PCDH9: variants seen among roughly 807,000 people sequenced by gnomAD.
PCDH9 encodes protocadherin 9.
A neutral mutation model predicts 70.6 loss-of-function variants in PCDH9; 24 were observed. That is an observed-to-expected ratio of 0.34 (90% CI 0.25 to 0.48). The LOEUF is 0.48. Among genes scored for constraint, PCDH9 ranks in the 20% least tolerant of loss-of-function variants. The pLI is 0.99. For synonymous variants in PCDH9, 562 were observed against 558.5 expected (o/e 1.01, Z -0.09); for missense variants, 1,281 against 1,503.6 (o/e 0.85, Z 2.45).
At chr13:67,179,925 T>C (rs2138478224) in intron 2 of PCDH9, among the ~76,000 whole-genome samples, 1 of 152,218 alleles carries the variant, frequency 6.6e-6, no homozygotes, top group East Asian at 1.9e-4. Flanking sequence ...GACTCAAAAC[T>C]ATAGTTGGCT....
rs748701009 is a variant in PCDH9 at position 66,478,472 on chromosome 13, T to A, written c.3340+152738A>T. Among the ~76,000 whole-genome samples, 5 of 152,228 alleles carry A rather than the reference T, an allele frequency of 3.3e-5. No homozygotes were observed. In the South Asian group the frequency reaches 6.2e-4, roughly 19 times the overall value. On this transcript the variant is annotated intron_variant, in intron 4 of 4. Transcript: ENST00000377865. ...TGAGGCAGGTAAAAAGCTAGGCCTC[T>A]TGTGCCAAACAATTAGCAAGTTATG...
chr13:66,685,782 C>A (rs2078392867), intron 3 of PCDH9, among the ~76,000 whole-genome samples: 1 of 152,220 alleles, frequency 6.6e-6, no homozygotes, highest in African/African-American at 2.4e-5. Context: ...CTAAGGAGAT[C>A]ATTTTGGAAC....
At chr13:67,170,561 A>T (rs2088253064) in intron 2 of PCDH9, among the ~76,000 whole-genome samples, 1 of 152,224 alleles carries the variant, frequency 6.6e-6, no homozygotes, top group Non-Finnish European at 1.5e-5. Context: ...AACTTTTGCC[A>T]TATATCATTA....
chr13:66,943,291 G>T (rs897279364), intron 2 of PCDH9, among the ~76,000 whole-genome samples: 1 of 151,328 alleles, frequency 6.6e-6, no homozygotes. Context: ...TTTCCCTACT[G>T]TGCCTTCATG....
intron 3 of PCDH9, among the ~76,000 whole-genome samples, chr13:66,764,996 ATCTGTCTCTCTC>A (rs776556054): frequency 4.1e-4 from 62 of 151,390 alleles, no homozygotes; most frequent in East Asian, 2.2e-3. Flanking sequence ...CTCTTTGTCC[ATCTGTCTCTCTC>A]TCTGTCTCTT....
chr13:67,036,273 C>T (rs1407377994), intron 2 of PCDH9, among the ~76,000 whole-genome samples: 1 of 152,166 alleles, frequency 6.6e-6, no homozygotes, highest in Non-Finnish European at 1.5e-5. Context: ...TTTGTCCCCA[C>T]TGTTTCATAT....
At chr13:66,379,390 C>T (rs544599461) in intron 4 of PCDH9, among the ~76,000 whole-genome samples, 1 of 152,112 alleles carries the variant, frequency 6.6e-6, no homozygotes, top group Non-Finnish European at 1.5e-5. Flanking sequence ...GGACCAAAGG[C>T]TTTAAGTATT....
intron 2 of PCDH9, among the ~76,000 whole-genome samples, chr13:67,030,972 A>T (rs1042063263): frequency 3.9e-5 from 6 of 152,206 alleles, no homozygotes; most frequent in East Asian, 1.9e-4. Flanking sequence ...AACTAGCCCT[A>T]TAACTATATG....
chr13:66,951,464 G>A (rs1392801735), intron 2 of PCDH9, among the ~76,000 whole-genome samples: 1 of 152,100 alleles, frequency 6.6e-6, no homozygotes, highest in Non-Finnish European at 1.5e-5. Flanking sequence ...AGACGTAATT[G>A]AGCTCATAAC....
At chr13:66,492,498 T>C (rs532525964) in intron 4 of PCDH9, among the ~76,000 whole-genome samples, 1 of 148,516 alleles carries the variant, frequency 6.7e-6, no homozygotes, top group South Asian at 2.1e-4. Flanking sequence ...TTTATATTTA[T>C]ATATAATGAT....
chr13:67,006,956 T>C (rs1455233110), intron 2 of PCDH9, among the ~76,000 whole-genome samples: 1 of 152,154 alleles, frequency 6.6e-6, no homozygotes, highest in East Asian at 1.9e-4. Flanking sequence ...AAAAGGAAAA[T>C]ACTTTTTTAA....
chr13:67,045,315 T>C (rs1022330013), intron 2 of PCDH9, among the ~76,000 whole-genome samples: 3 of 152,176 alleles, frequency 2.0e-5, no homozygotes, highest in Non-Finnish European at 4.4e-5. Flanking sequence ...ATAAATTCTA[T>C]GTCCCAGCTA....
chr13:67,216,527 G>T (rs1466922447), intron 2 of PCDH9: 2 of 150,392 alleles, frequency 1.3e-5, no homozygotes, highest in African/African-American at 4.9e-5. Context: ...TCCTTAACTT[G>T]GAAAAAGGCA....
intron 2 of PCDH9, among the ~76,000 whole-genome samples, chr13:67,123,123 C>T (rs1202988094): frequency 6.6e-6 from 1 of 152,132 alleles, no homozygotes; most frequent in Non-Finnish European, 1.5e-5. Flanking sequence ...AAACAAAAAT[C>T]TACTAACCCT....
At position 66,431,779 on chromosome 13, in the gene PCDH9, A is replaced by G. The variant is rs115315181; in HGVS notation, c.3341-126751T>C. Among the ~76,000 whole-genome samples the G allele has an allele frequency of 9.5e-3, 1,446 of 152,142 alleles. 21 individuals carry two copies. The highest frequency in any genetic ancestry group is 0.032 in the African/African-American group (1,341 of 41,556). Reference sequence around the variant, plus strand: ...TGACAATATAGAAAGAGGCTTTATAAAACAAAGCTTTGCAAGAACACAGAT... The same window carrying G: ...TGACAATATAGAAAGAGGCTTTATAGAACAAAGCTTTGCAAGAACACAGAT... On this transcript the variant is annotated intron_variant, in intron 4 of 4. Coordinates refer to ENST00000377865, the MANE Select transcript of PCDH9 (RefSeq NM_203487.3).
At chr13:66,610,300 GA>G (rs138897450) in intron 4 of PCDH9, among the ~76,000 whole-genome samples, 4,598 of 152,180 alleles carry the variant, frequency 0.03, 247 homozygotes, top group African/African-American at 0.1. Flanking sequence ...AAGAGAGAGA[GA>G]GAGAGCATTT....
At position 66,738,283 on chromosome 13, in the gene PCDH9, T is replaced by G. The variant is rs1022153521; in HGVS notation, c.3139-106872A>C. 5.3e-3 allele frequency among the ~76,000 whole-genome samples: 809 copies of G among 151,602 alleles called. 7 individuals carry two copies. The highest frequency in any genetic ancestry group is 0.019 in the African/African-American group (771 of 41,408). On this transcript the variant is annotated intron_variant, in intron 3 of 4. Coordinates refer to ENST00000377865, the MANE Select transcript of PCDH9 (RefSeq NM_203487.3). ...CCAACAGACCTGCAGCTGAGGGTGCTGTCTGTTAGAAGGAAAACTAACAAA... is the reference window on the plus strand; with the variant it reads ...CCAACAGACCTGCAGCTGAGGGTGCGGTCTGTTAGAAGGAAAACTAACAAA...
At chr13:67,049,223 A>G (rs2085278455) in intron 2 of PCDH9, among the ~76,000 whole-genome samples, 1 of 152,194 alleles carries the variant, frequency 6.6e-6, no homozygotes. Flanking sequence ...CATAGGGCTA[A>G]TGAGTTCATG....
intron 2 of PCDH9, among the ~76,000 whole-genome samples, chr13:66,934,687 T>TATTC: frequency 6.7e-6 from 1 of 149,718 alleles, no homozygotes; most frequent in Non-Finnish European, 1.5e-5. Context: ...TTTGATATTG[T>TATTC]ATTCAATTTC....
Sources: gnomAD v4.1 joint callset for allele counts (sites outside exome capture counted in the v4.1 genomes callset) on GRCh38, gnomAD v4.1.1 for gene constraint, MANE v1.5 for transcripts, NCBI Gene and HGNC (gene_info 2026-07-23, HGNC 2026-07-21) for gene names.